Variants in OTUD7A observed in about 807,000 individuals in gnomAD.
OTUD7A encodes the protein OTU domain-containing protein 7A.
A neutral mutation model predicts 65.7 loss-of-function variants in OTUD7A; 12 were observed. That is an observed-to-expected ratio of 0.18 (90% CI 0.12 to 0.30). The LOEUF (loss-of-function observed/expected upper bound fraction) is 0.30. Among genes scored for constraint, OTUD7A ranks in the 10% least tolerant of loss-of-function variants. The probability of loss-of-function intolerance (pLI) is 1.00; values close to 1 mark genes in which losing one functional copy is unlikely to be tolerated. For synonymous variants in OTUD7A, 641 were observed against 586.3 expected, an observed-to-expected ratio of 1.09 and a Z score of -1.35; for missense variants, 1,148 against 1,304.8, an observed-to-expected ratio of 0.88 and a Z score of 1.85.
rs551732282 is a variant in OTUD7A, at chr15:31,587,263, G to A, written c.152-17066C>T. ...TCTCTTGCTTGGATTATTGCCAGAGGCTTCTGGTTCCTCTCCTTACTTCCA... is the reference window on the plus strand; with the variant it reads ...TCTCTTGCTTGGATTATTGCCAGAGACTTCTGGTTCCTCTCCTTACTTCCA... On this transcript the variant is annotated intron_variant, in intron 3 of 12. Transcript: ENST00000307050. Among the ~76,000 whole-genome samples the A allele has an allele frequency of 1.6e-3, 247 of 152,212 alleles. 1 individual carries two copies. Among genetic ancestry groups the A allele is most frequent in the Admixed American group, 4.5e-3 (69 of 15,288 alleles).
intron 1 of OTUD7A, among the ~76,000 whole-genome samples, chr15:31,695,682 C>A (rs1435855890): frequency 6.6e-6 from 1 of 152,238 alleles, no homozygotes; most frequent in African/African-American, 2.4e-5. Flanking sequence ...GAGACCGACA[C>A]CCGCAGCTCA....
intron 1 of OTUD7A, among the ~76,000 whole-genome samples, chr15:31,806,703 C>G (rs1030919884): frequency 2.0e-5 from 3 of 152,216 alleles, no homozygotes; most frequent in African/African-American, 7.2e-5. Flanking sequence ...GTATAGAAAA[C>G]AGTTCCCTCT....
intron 8 of OTUD7A, among the ~76,000 whole-genome samples, chr15:31,508,876 C>G (rs1311665918): frequency 6.6e-6 from 1 of 152,238 alleles, no homozygotes; most frequent in Non-Finnish European, 1.5e-5. Context: ...AAGGTCTTGG[C>G]TTTTTTGTGG....
intron 1 of OTUD7A, among the ~76,000 whole-genome samples, chr15:31,763,849 GTTCTCATC>G (rs1465595373): frequency 4.6e-5 from 7 of 152,290 alleles, no homozygotes; most frequent in African/African-American, 1.4e-4. Context: ...TGACTGCAGA[GTTCTCATC>G]AGAAACCACA....
At chr15:31,748,696 C>T (rs1894546440) in intron 1 of OTUD7A, among the ~76,000 whole-genome samples, 2 of 152,000 alleles carry the variant, frequency 1.3e-5, no homozygotes, top group African/African-American at 2.4e-5. Flanking sequence ...TACAAATACC[C>T]TATGAACCAG....
At chr15:31,606,767 A>G (rs1343758305) in intron 3 of OTUD7A, among the ~76,000 whole-genome samples, 1 of 152,186 alleles carries the variant, frequency 6.6e-6, no homozygotes. Flanking sequence ...ATTTACAAAC[A>G]CTTTTTTTCA....
chr15:31,661,386 A>G (rs1367546235), intron 1 of OTUD7A, among the ~76,000 whole-genome samples: 2 of 152,258 alleles, frequency 1.3e-5, no homozygotes, highest in Admixed American at 6.5e-5. Flanking sequence ...TGGCACCTCA[A>G]CATTCCAGTC....
At chr15:31,818,493 A>G (rs1896604210) in intron 1 of OTUD7A, among the ~76,000 whole-genome samples, 1 of 152,186 alleles carries the variant, frequency 6.6e-6, no homozygotes, top group Non-Finnish European at 1.5e-5. Context: ...AGGTGAAGGG[A>G]GACAGCGGCC....
intron 1 of OTUD7A, chr15:31,766,733 T>C: frequency 6.2e-7 from 1 of 1,611,238 alleles, no homozygotes; most frequent in Non-Finnish European, 8.5e-7. Context: ...GAGGTTCTCT[T>C]AAAACCAGCA....
At chr15:31,797,088 A>G (rs544172191) in intron 1 of OTUD7A, among the ~76,000 whole-genome samples, 46 of 151,192 alleles carry the variant, frequency 3.0e-4, no homozygotes, top group Non-Finnish European at 4.6e-4. Flanking sequence ...GAAGCAAAAT[A>G]AATCAGTTAA....
At chr15:31,633,841 G>T (rs1891253535) in intron 3 of OTUD7A, among the ~76,000 whole-genome samples, 1 of 152,136 alleles carries the variant, frequency 6.6e-6, no homozygotes, top group Non-Finnish European at 1.5e-5. Flanking sequence ...ACCCGCTAGC[G>T]AGCACACAGG....
intron 1 of OTUD7A, among the ~76,000 whole-genome samples, chr15:31,838,298 C>A (rs904048532): frequency 6.6e-6 from 1 of 152,142 alleles, no homozygotes; most frequent in Non-Finnish European, 1.5e-5. Flanking sequence ...TAAAAACAAA[C>A]AATAACAACT....
intron 1 of OTUD7A, among the ~76,000 whole-genome samples, chr15:31,715,079 T>G: frequency 6.6e-6 from 1 of 151,828 alleles, no homozygotes; most frequent in Non-Finnish European, 1.5e-5. Flanking sequence ...GAGGTTGAAG[T>G]GAGCTGAGCG....
chr15:31,559,084 C>T lies in OTUD7A; in HGVS notation c.435G>A (p.Glu145=). The T allele has an allele frequency of 1.2e-6, 2 of 1,613,246 alleles. No homozygotes were observed. The highest frequency in any genetic ancestry group is 1.7e-6 in the Non-Finnish European group (2 of 1,179,686). ...SECNNEQFPL[E]MPIYTFQLPD... ...GCAACTGGAATGTGTAGATTGGCATCTCCAGGGGGAACTGCTCGTTGTTGC... is the reference window on the plus strand; with the variant it reads ...GCAACTGGAATGTGTAGATTGGCATTTCCAGGGGGAACTGCTCGTTGTTGC... The change falls in exon 5 of 13, where the codon GAG becomes GAA. Residue 145 remains glutamate (E), a synonymous_variant. Coordinates refer to ENST00000307050, the MANE Select transcript of OTUD7A (RefSeq NM_001382637.1).
chr15:31,631,946 C>A (rs1322315018), intron 3 of OTUD7A, among the ~76,000 whole-genome samples: 5 of 152,220 alleles, frequency 3.3e-5, no homozygotes, highest in Non-Finnish European at 5.9e-5. Context: ...CCATCAGCTC[C>A]TTTAAGGACT....
intron 1 of OTUD7A, among the ~76,000 whole-genome samples, chr15:31,731,371 A>G (rs1894037652): frequency 2.0e-5 from 3 of 152,220 alleles, no homozygotes; most frequent in Non-Finnish European, 2.9e-5. Flanking sequence ...CATACAGACA[A>G]TAGAATATTA....
intron 1 of OTUD7A, among the ~76,000 whole-genome samples, chr15:31,820,833 A>T (rs1186392980): frequency 1.3e-5 from 2 of 152,142 alleles, no homozygotes; most frequent in South Asian, 4.1e-4. Flanking sequence ...CACCCATTTA[A>T]TGTGCACAGT....
At chr15:31,753,886 T>C (rs1894734273) in intron 1 of OTUD7A, among the ~76,000 whole-genome samples, 1 of 151,616 alleles carries the variant, frequency 6.6e-6, no homozygotes, top group Admixed American at 6.6e-5. Context: ...TACCAAGCAG[T>C]GGGATTGCTG....
rs112066854 is a variant in OTUD7A, at chr15:31,821,163, G to T, written c.-100+49344C>A. ...TTTTTTTTTTTTTTTTTGAGACGGA[G>T]TCTTGCTCTGTCACCAGGCTGGAGT... On this transcript the variant is annotated intron_variant, in intron 1 of 12. Coordinates refer to ENST00000307050, the MANE Select transcript of OTUD7A (RefSeq NM_001382637.1). Among the ~76,000 whole-genome samples the T allele has an allele frequency of 7.7e-3, 1,055 of 137,042 alleles. 14 individuals are homozygous for T. The highest frequency in any genetic ancestry group is 0.028 in the African/African-American group (1,007 of 35,720). 89.9% of individuals were successfully genotyped at this position (137,042 alleles called of 152,430 possible).
Sources: allele counts gnomAD v4.1 joint callset (sites outside exome capture counted in the v4.1 genomes callset), GRCh38; gene constraint gnomAD v4.1.1; transcripts MANE v1.5; gene names NCBI Gene and HGNC (gene_info 2026-07-23, HGNC 2026-07-21).